The following MFAP2 variants were observed in gnomAD, a reference collection of about 807,000 sequenced individuals.
The protein encoded by MFAP2 is microfibril associated protein 2.
In MFAP2, 23 loss-of-function variants were observed where a neutral mutation model predicts 30.6. The ratio of observed to expected loss-of-function variants is 0.75; its 90% CI spans 0.54 to 1.07. MFAP2 has a LOEUF of 1.07. Ranked by LOEUF, MFAP2 falls within the 50% of genes least tolerant of loss-of-function variation. The pLI is 0.00. For synonymous variants in MFAP2, 73 were observed against 85.7 expected (o/e 0.85, Z 0.82); for missense variants, 198 against 223.8 (o/e 0.88, Z 0.74).
intron 1 of MFAP2, among the ~76,000 whole-genome samples, chr1:16,978,654 C>T (rs948409273): frequency 6.6e-6 from 1 of 152,216 alleles, no homozygotes; most frequent in African/African-American, 2.4e-5. Flanking sequence ...CTCACCCACA[C>T]CCGTGCTCAG....
chr1:16,977,244 C>T (rs1220007178), intron 2 of MFAP2, 46 bp from the exon 3 acceptor site: 11 of 1,592,202 alleles, frequency 6.9e-6, no homozygotes, highest in East Asian at 2.3e-5. Flanking sequence ...GGAGGGGCAA[C>T]GGGGGCCCGA....
chr1:16,980,769 TGG>T (rs60284130), upstream of MFAP2: 42,445 of 148,486 alleles, frequency 0.29, 6,441 homozygotes, highest in East Asian at 0.59. Context: ...TTCCATCTCC[TGG>T]GGGGGGGGGT....
chr1:16,977,224 T>G, intron 2 of MFAP2, 26 bp from the exon 3 acceptor site: 1 of 1,609,308 alleles, frequency 6.2e-7, no homozygotes, highest in Non-Finnish European at 8.5e-7. Context: ...GCATGTAGGG[T>G]ACCCCATCGG....
In MFAP2 at chr1:16,975,169, G is replaced by A; in HGVS notation, c.448+100C>T. 7.6e-7 allele frequency: 1 copy of A among 1,312,000 alleles called. No individual in the cohort carries two copies. The allele number at this position is 1,312,000 out of a possible 1,614,324, so 81.3% of individuals were successfully genotyped here. ...AGGGTGTCCTGGAAGTGGGCCTGGT[G>A]GATAATATGTGTTGAATAAACATCA... is the stretch of plus-strand genomic sequence containing the variant. On this transcript the variant is annotated intron_variant, in intron 8 of 8. Coordinates refer to ENST00000375535, the MANE Select transcript of MFAP2 (RefSeq NM_002403.4). The surrounding 1 kb of genome is among the most constrained non-coding windows in gnomAD (Gnocchi z 5.0).
chr1:16,977,160 G>A lies in MFAP2; in HGVS notation c.76C>T (p.Leu26=), dbSNP rs2076600071. The A allele has an allele frequency of 6.2e-7, 1 of 1,613,482 alleles. No individual in the cohort carries two copies. The highest frequency in any genetic ancestry group is 2.2e-5 in the East Asian group (1 of 44,868). ...TGGACGTGGTCAGGGAACGGCGGCA[G>A]CGGGTCCAGGTCATACTGGCCCTGA... ...LAQGQYDLDP[L]PPFPDHVQYT... is the part of the protein sequence containing the mutation. Residue 26 remains leucine (L), a synonymous_variant, in exon 3 of 9, where the codon CTG becomes TTG. Coordinates refer to ENST00000375535, the MANE Select transcript of MFAP2 (RefSeq NM_002403.4).
rs879506743 is a variant in MFAP2 at position 16,980,590 on chromosome 1, T to G, written c.-45A>C. 1.4e-3 allele frequency: 211 copies of G among 151,504 alleles called. No homozygotes were observed. Among genetic ancestry groups the G allele is most frequent in the Non-Finnish European group, 2.4e-3 (162 of 68,000 alleles). The allele number at this position is 151,504 out of a possible 1,614,324, so 9.4% of individuals were successfully genotyped here. ...CAAGCGCCAGGCCCGCGCCTACCTGTCCGGGTCACTCCGCCGCCCGCTCCG... is the reference window on the plus strand; with the variant it reads ...CAAGCGCCAGGCCCGCGCCTACCTGGCCGGGTCACTCCGCCGCCCGCTCCG... On this transcript the variant is annotated 5_prime_UTR_variant, in exon 1 of 9. Transcript: ENST00000375535.
intron 1 of MFAP2, among the ~76,000 whole-genome samples, chr1:16,979,392 A>G (rs1263693769): frequency 2.0e-5 from 3 of 152,090 alleles, no homozygotes; most frequent in South Asian, 2.1e-4. Flanking sequence ...ACTTTGGTCT[A>G]TTTTCCCCAC....
At position 16,974,597 on chromosome 1, in the gene MFAP2, G is replaced by A; in HGVS notation, c.*323C>T. The A allele has an allele frequency of 6.0e-5, 1 of 16,806 alleles. No individual in the cohort carries two copies. Among genetic ancestry groups the A allele is most frequent in the Admixed American group, 5.4e-4 (1 of 1,854 alleles). 1.0% of individuals were successfully genotyped at this position (16,806 alleles called of 1,614,324 possible). A position where few individuals can be genotyped will look rare whatever the true frequency, so the allele number is the denominator to read the frequency against. ...CCAAGCAGACCAGCTGGGGTGGGGG[G>A]ATGTAGCCTACCTCGGGGGACTGTC... On this transcript the variant is annotated 3_prime_UTR_variant, in exon 9 of 9. Coordinates refer to ENST00000375535, the MANE Select transcript of MFAP2 (RefSeq NM_002403.4).
intron 2 of MFAP2, chr1:16,977,978 C>T (rs976683688): frequency 2.2e-6 from 1 of 448,054 alleles, no homozygotes; most frequent in African/African-American, 2.0e-5. Context: ...CCCACGGAGT[C>T]CTTGTGCCTG....
chr1:16,977,230 A>G (rs1264534102), intron 2 of MFAP2, 32 bp from the exon 3 acceptor site: 26 of 1,607,040 alleles, frequency 1.6e-5, no homozygotes, highest in Non-Finnish European at 2.1e-5. Flanking sequence ...AGGGTACCCC[A>G]TCGGGAGGGG....
intron 1 of MFAP2, 125 bp from the exon 2 acceptor site, chr1:16,978,439 C>G (rs2076611382): frequency 2.5e-6 from 2 of 796,920 alleles, no homozygotes; most frequent in Non-Finnish European, 4.0e-6. Context: ...CATGGGAGGG[C>G]TGGAGTGGAG....
At position 16,976,912 on chromosome 1, in the gene MFAP2, AGTC is replaced by A. The variant is rs2076597351; in HGVS notation, c.136_138del (p.Asp46del). The A allele has an allele frequency of 6.2e-7, 1 of 1,613,934 alleles. No individual in the cohort carries two copies. The highest frequency in any genetic ancestry group is 8.5e-7 in the Non-Finnish European group (1 of 1,179,978). On this transcript the variant is annotated inframe_deletion, in exon 4 of 9. Transcript: ENST00000375535. The surrounding 1 kb of genome is among the most constrained non-coding windows in gnomAD (Gnocchi z 5.5). The stretch of plus-strand genomic sequence containing the variant: ...AGCCCGTTACCTTGATAATCATAGT[AGTC>A]TGGGTTGTCTGCAAACAAAGATGAA...
At chr1:16,981,094 T>C (rs1488635231), upstream of MFAP2, among the ~76,000 whole-genome samples, 2 of 152,230 alleles carry the variant, frequency 1.3e-5, no homozygotes, top group Non-Finnish European at 2.9e-5. Context: ...TCTCCTACAC[T>C]GCTGAGCTCT....
rs1403261001 is a variant in MFAP2 at position 16,976,181 on chromosome 1, G to A, written c.286+320C>T. ...AGCCTGCACTCCCTGGCCCTTCCTC[G>A]CCTCCACATGTGCACCACTCAGTCT... On this transcript the variant is annotated intron_variant, in intron 6 of 8. Coordinates refer to ENST00000375535, the MANE Select transcript of MFAP2 (RefSeq NM_002403.4). The surrounding 1 kb of genome is among the most constrained non-coding windows in gnomAD (Gnocchi z 5.5). 1 of 538,062 alleles carries A rather than the reference G, an allele frequency of 1.9e-6. No individual in the cohort carries two copies. The highest frequency in any genetic ancestry group is 1.9e-5 in the African/African-American group (1 of 52,734). 33.3% of individuals were successfully genotyped at this position (538,062 alleles called of 1,614,324 possible).
Position 16,976,311 on chromosome 1 carries a change from G to A in MFAP2, c.286+190C>T. ...ATTTAGCCTCCAGCCAGGCACACTG[G>A]GGACAGGTGGGACCTCCTGGAGCTG... On this transcript the variant is annotated intron_variant, in intron 6 of 8. Coordinates refer to ENST00000375535, the MANE Select transcript of MFAP2 (RefSeq NM_002403.4). This position sits in a 1 kb window ranked among gnomAD's most constrained non-coding sequence, Gnocchi z 5.5. 1.5e-6 allele frequency: 1 copy of A among 684,646 alleles called. No homozygotes were observed. Among genetic ancestry groups the A allele is most frequent in the Non-Finnish European group, 2.5e-6 (1 of 396,484 alleles). 42.4% of individuals were successfully genotyped at this position (684,646 alleles called of 1,614,324 possible).
Position 16,975,794 on chromosome 1 carries a change from T to C in MFAP2, c.287-64A>G. 6.9e-7 allele frequency: 1 copy of C among 1,443,866 alleles called. No homozygotes were observed. Among genetic ancestry groups the C allele is most frequent in the Non-Finnish European group, 9.6e-7 (1 of 1,038,858 alleles). 89.4% of individuals were successfully genotyped at this position (1,443,866 alleles called of 1,614,324 possible). ...GGGGCGGCCCCCAGCCTCACCCACCTGAGGCTGGCTCACAGGGCCTAGTCC... is the reference window on the plus strand; with the variant it reads ...GGGGCGGCCCCCAGCCTCACCCACCCGAGGCTGGCTCACAGGGCCTAGTCC... On this transcript the variant is annotated intron_variant, in intron 6 of 8. Transcript: ENST00000375535. This position sits in a 1 kb window ranked among gnomAD's most constrained non-coding sequence, Gnocchi z 5.0.
At chr1:16,977,594 G>A (rs2076604063) in intron 2 of MFAP2, 1 of 212,988 alleles carries the variant, frequency 4.7e-6, no homozygotes, top group Non-Finnish European at 9.4e-6. Context: ...GCTGATTTCT[G>A]TCCAGCACTC....
chr1:16,974,946 A>G lies in MFAP2; in HGVS notation c.526T>C (p.Cys176Arg). Residue 176 changes from cysteine (C) to arginine (R), a missense_variant, in exon 9 of 9, where the codon TGT (cysteine) becomes CGT (arginine). Physicochemically the swap from Cys to Arg is radical, Grantham distance 180 (BLOSUM62 -3). Transcript: ENST00000375535. ...TAGCAGCTCCCACAGCTCCTGGCAC[A>G]GGAGGCCGCCACGGATTGGCACAGG... The part of the protein sequence containing the change: ...SGLCQSVAAS[C>R]ARSCGSC 1 of 951,610 alleles carries G rather than the reference A, an allele frequency of 1.1e-6. No homozygotes were observed. Among genetic ancestry groups the G allele is most frequent in the Non-Finnish European group, 1.6e-6 (1 of 615,560 alleles). 58.9% of individuals were successfully genotyped at this position (951,610 alleles called of 1,614,324 possible).
chr1:16,976,752 G>A lies in MFAP2; in HGVS notation c.197C>T (p.Ser66Phe). The change falls in exon 5 of 9, where the codon TCC becomes TTC. Residue 66 changes from serine to phenylalanine, a missense_variant. Coordinates refer to ENST00000375535, the MANE Select transcript of MFAP2 (RefSeq NM_002403.4). This position sits in a 1 kb window ranked among gnomAD's most constrained non-coding sequence, Gnocchi z 5.5. ...RPSEEQFQFQ[S>F]QQQVQQEVIP... ...GACTTCCTGTTGGACTTGCTGCTGG[G>A]ACTGGAACTGGAACTGTTCCTCGGA... 6.2e-7 allele frequency: 1 copy of A among 1,613,920 alleles called. No homozygotes were observed. The highest frequency in any genetic ancestry group is 2.2e-5 in the East Asian group (1 of 44,858).
Sources: gnomAD v4.1 joint callset for allele counts (sites outside exome capture counted in the v4.1 genomes callset) on GRCh38, gnomAD v4.1.1 for gene constraint, Gnocchi (gnomAD v3.1) non-coding constraint, MANE v1.5 for transcripts, NCBI Gene and HGNC (gene_info 2026-07-23, HGNC 2026-07-21) for gene names.